The following GPR89A variants were observed in gnomAD, a reference collection of about 807,000 sequenced individuals.
GPR89A encodes G protein-coupled receptor 89A.
GPR89A carries 16 observed loss-of-function variants against 52.0 expected under a neutral mutation model. That is an observed-to-expected ratio of 0.31 (90% CI 0.21 to 0.47). The LOEUF (loss-of-function observed/expected upper bound fraction) is 0.47. Among genes scored for constraint, GPR89A ranks in the 20% least tolerant of loss-of-function variants. The pLI, the probability that GPR89A is intolerant of heterozygous loss-of-function variation, is 1.00. For synonymous variants in GPR89A, 55 were observed against 150.9 expected (o/e 0.36, Z 4.66); for missense variants, 135 against 449.4 (o/e 0.30, Z 6.33).
At chr1:145,653,455 T>G (rs1432222419) in intron 10 of GPR89A, among the ~76,000 whole-genome samples, 3 of 147,346 alleles carry the variant, frequency 2.0e-5, no homozygotes, top group South Asian at 2.2e-4. Context: ...CTGTTGTTTT[T>G]GGGTAGAGAG....
chr1:145,659,413 C>G (rs1344606709), intron 10 of GPR89A, among the ~76,000 whole-genome samples: 1 of 151,936 alleles, frequency 6.6e-6, no homozygotes, highest in African/African-American at 2.4e-5. Context: ...TCTCTAACTC[C>G]TAACCTTGTG....
intron 4 of GPR89A, 53 bp downstream of exon 4, chr1:145,623,213 G>A: frequency 6.3e-7 from 1 of 1,584,032 alleles, no homozygotes; most frequent in Non-Finnish European, 8.6e-7. Flanking sequence ...GTATTTGAGG[G>A]GACTTAAATT....
chr1:145,636,870 G>C lies in GPR89A; in HGVS notation c.617+5126G>C, dbSNP rs1228571786. ...GTGCCCCTTAGCCACCACCCCCCCT[G>C]CCAGCACCCACTCAAGTGTACAGAT... On this transcript the variant is annotated intron_variant, in intron 7 of 13. Transcript: ENST00000313835. 8.5e-5 allele frequency among the ~76,000 whole-genome samples: 13 copies of C among 152,206 alleles called. 1 individual carries two copies. The highest frequency in any genetic ancestry group is 1.7e-4 in the African/African-American group (7 of 41,516).
At position 145,618,515 on chromosome 1, in the gene GPR89A, A is replaced by AAC. The variant is rs1553687490; in HGVS notation, c.206+95_206+96dup. 3.7e-4 allele frequency: 204 copies of AAC among 554,716 alleles called. No homozygotes were observed. In the African/African-American group the frequency reaches 7.4e-3, roughly 20 times the overall value. The allele number at this position is 554,716 out of a possible 1,614,324, so 34.4% of individuals were successfully genotyped here. On this transcript the variant is annotated intron_variant, in intron 3 of 13. Transcript: ENST00000313835. ...ATTGGATCTCATAACTGAAAAAAAA[A>AAC]ACACTGTGTTAATAGTTCAGTTTCA... is the stretch of plus-strand genomic sequence containing the variant.
intron 12 of GPR89A, among the ~76,000 whole-genome samples, chr1:145,666,717 C>T (rs1346987495): frequency 2.3e-5 from 3 of 128,156 alleles, no homozygotes; most frequent in East Asian, 2.5e-4. Flanking sequence ...CCCCACCCCA[C>T]GACAAGCCTC....
intron 3 of GPR89A, among the ~76,000 whole-genome samples, chr1:145,620,138 A>G (rs1486819365): frequency 3.3e-5 from 5 of 152,116 alleles, no homozygotes; most frequent in Non-Finnish European, 5.9e-5. Context: ...TATTATCACA[A>G]CCTGCATCTT....
chr1:145,623,784 A>G, intron 5 of GPR89A, 70 bp downstream of exon 5: 1 of 1,573,748 alleles, frequency 6.4e-7, no homozygotes. Flanking sequence ...TTCAAAAACA[A>G]TTAATTAAAT....
At chr1:145,662,602 G>A (rs1291951952) in intron 10 of GPR89A, among the ~76,000 whole-genome samples, 1 of 152,146 alleles carries the variant, frequency 6.6e-6, no homozygotes, top group African/African-American at 2.4e-5. Context: ...ATAGCCCACA[G>A]GCCAAACCTA....
chr1:145,667,176 G>A (rs1295304439), intron 12 of GPR89A, among the ~76,000 whole-genome samples: 1 of 152,148 alleles, frequency 6.6e-6, no homozygotes, highest in Non-Finnish European at 1.5e-5. Flanking sequence ...CTTCCACAAT[G>A]GTTGAACTAG....
At chr1:145,669,152 C>T (rs587646964) in intron 12 of GPR89A, among the ~76,000 whole-genome samples, 4 of 151,854 alleles carry the variant, frequency 2.6e-5, no homozygotes, top group African/African-American at 9.7e-5. Context: ...GAAGACTTCA[C>T]GGAGGTGGAA....
intron 1 of GPR89A, among the ~76,000 whole-genome samples, chr1:145,612,723 C>T: frequency 6.6e-6 from 1 of 152,292 alleles, no homozygotes; most frequent in South Asian, 2.1e-4. Context: ...AGTTTATCCT[C>T]TAGTATTCCA....
rs1409142552 is a variant in GPR89A at position 145,669,641 on chromosome 1, C to G, written c.1112C>G (p.Ser371Cys). 48 of 1,611,200 alleles carry G rather than the reference C, an allele frequency of 3.0e-5. No individual in the cohort carries two copies. The highest frequency in any genetic ancestry group is 3.9e-5 in the Non-Finnish European group (46 of 1,179,584). ...ITLTKFFYAI[S>C]SSKSSNVIVL... is the part of the protein sequence containing the mutation. Reference sequence around the variant, plus strand: ...TCTTGACAGTTCTTTTATGCCATCTCTAGCAGTAAGTCCTCCAATGTCATT... The same window carrying G: ...TCTTGACAGTTCTTTTATGCCATCTGTAGCAGTAAGTCCTCCAATGTCATT... The change falls in exon 13 of 14, where the codon TCT becomes TGT. Residue 371 changes from serine (S) to cysteine (C), a missense_variant. Ser to Cys is a moderately radical substitution (Grantham distance 112, BLOSUM62 -1). Around this residue, in one of 10 missense-constraint regions of GPR89A, gnomAD observed 22 missense variants for 48.4 expected, o/e 0.45. Transcript: ENST00000313835.
chr1:145,661,456 T>TAATAATAA (rs1338075737), intron 10 of GPR89A, among the ~76,000 whole-genome samples: 4 of 150,604 alleles, frequency 2.7e-5, no homozygotes, highest in Non-Finnish European at 5.9e-5. Context: ...TAAAGTATAA[T>TAATAATAA]AATAATAAAA....
chr1:145,641,888 G>A (rs1337949305), intron 7 of GPR89A, among the ~76,000 whole-genome samples: 10 of 152,038 alleles, frequency 6.6e-5, no homozygotes, highest in South Asian at 2.1e-4. Flanking sequence ...TTCACGCTTC[G>A]GAAGGTTTAA....
At chr1:145,635,061 T>C (rs115976979) in intron 7 of GPR89A, among the ~76,000 whole-genome samples, 1,567 of 152,324 alleles carry the variant, frequency 0.01, 31 homozygotes, top group African/African-American at 0.036. Context: ...TCAACACTTT[T>C]CTGTAGTAAG....
At chr1:145,647,518 T>C (rs1651084791) in intron 10 of GPR89A, among the ~76,000 whole-genome samples, 2 of 151,790 alleles carry the variant, frequency 1.3e-5, no homozygotes, top group Non-Finnish European at 1.5e-5. Context: ...AATATCTAAA[T>C]TGAGGCCGGG....
Position 145,652,287 on chromosome 1 carries a change from A to G in GPR89A, c.909+5020A>G, listed in dbSNP as rs1651498658. Among the ~76,000 whole-genome samples, 12 of 152,070 alleles carry G rather than the reference A, an allele frequency of 7.9e-5. No individual in the cohort carries two copies. In the South Asian group the frequency reaches 2.5e-3, roughly 32 times the overall value. On this transcript the variant is annotated intron_variant, in intron 10 of 13. Coordinates refer to ENST00000313835, the MANE Select transcript of GPR89A (RefSeq NM_001097612.2). ...TTTTGTCATTGGTTCTGTTTATGTG[A>G]TGGATTACGTTTACTGATTCGTGTA... is the stretch of plus-strand genomic sequence containing the variant.
chr1:145,635,412 G>GAAA (rs1462473844), intron 7 of GPR89A, among the ~76,000 whole-genome samples: 129 of 148,922 alleles, frequency 8.7e-4, no homozygotes, highest in African/African-American at 1.3e-3. Context: ...TCTCAAAAAA[G>GAAA]AAAAAAAAAG....
At chr1:145,643,400 A>G (rs1268417702) in intron 7 of GPR89A, among the ~76,000 whole-genome samples, 1 of 151,928 alleles carries the variant, frequency 6.6e-6, no homozygotes, top group Non-Finnish European at 1.5e-5. Flanking sequence ...TCCCAACCTC[A>G]GGTGATCCAC....
Sources: allele counts gnomAD v4.1 joint callset (sites outside exome capture counted in the v4.1 genomes callset), GRCh38; gene constraint gnomAD v4.1.1; regional missense constraint gnomAD v4.1.1; transcripts MANE v1.5; gene names NCBI Gene and HGNC (gene_info 2026-07-23, HGNC 2026-07-21).